Variants in DST observed in about 807,000 individuals in gnomAD.
DST encodes bullous pemphigoid antigen.
In DST, 253 loss-of-function variants were observed where a neutral mutation model predicts 875.2. The observed-to-expected ratio is 0.29, with a 90% CI of 0.26 to 0.32. The LOEUF (loss-of-function observed/expected upper bound fraction) is 0.32. Ranked by LOEUF, DST falls within the 10% of genes least tolerant of loss-of-function variation. The pLI is 1.00. For synonymous variants in DST, 3,124 were observed against 3,197.1 expected (o/e 0.98, Z 0.77); for missense variants, 8,287 against 9,111.6 (o/e 0.91, Z 3.68).
intron 72 of DST, among the ~76,000 whole-genome samples, chr6:56,514,510 T>C (rs1204300185): frequency 7.9e-5 from 12 of 151,850 alleles, no homozygotes; most frequent in Admixed American, 7.9e-4. Context: ...TAATAAACCC[T>C]GAATTGAACT....
At chr6:56,845,742 A>G (rs2099806586) in intron 4 of DST, among the ~76,000 whole-genome samples, 1 of 152,216 alleles carries the variant, frequency 6.6e-6, no homozygotes, top group Non-Finnish European at 1.5e-5. Context: ...GGCACGTCTG[A>G]GCCTTCATCA....
Position 56,608,006 on chromosome 6 carries a change from T to A in DST, c.6622A>T (p.Asn2208Tyr), listed in dbSNP as rs1275506902. The change falls in exon 40 of 104, where the codon AAT (asparagine) becomes TAT (tyrosine). Residue 2208 changes from asparagine to tyrosine, a missense_variant. This residue lies in a region of DST where 3,138 missense variants were observed against 3,116.6 expected (regional missense o/e 1.01). Transcript: ENST00000680361. ...CCTGTGTTTGCATCCATATAGCTAT[T>A]TATCATTAAATAAGATAGAAATAAT... Reference protein sequence around the residue: ...KKLFLSYLMINSYMDANTGQR... With the variant: ...KKLFLSYLMIYSYMDANTGQR... The A allele has an allele frequency of 1.9e-6, 3 of 1,613,228 alleles. No homozygotes were observed. The South Asian group carries it at 3.3e-5, about 18-fold the overall frequency.
intron 82 of DST, 57 bp downstream of exon 82, chr6:56,497,322 T>A: frequency 3.2e-6 from 5 of 1,584,496 alleles, no homozygotes; most frequent in Non-Finnish European, 4.3e-6. Flanking sequence ...CCAGGGCCCA[T>A]ATAACATGGT....
Position 56,593,984 on chromosome 6 carries a change from T to C in DST, c.12405A>G (p.Glu4135=), listed in dbSNP as rs1276114944. 1 of 1,613,964 alleles carries C rather than the reference T, an allele frequency of 6.2e-7. No homozygotes were observed. The highest frequency in any genetic ancestry group is 1.1e-5 in the South Asian group (1 of 91,070). ...TATAGTCAGCATCAAACTTTTCTAA[T>C]TCTTCCTGCAGAGAGTGAGTTAACT... The part of the protein sequence containing the change: ...KMKLTHSLQE[E]LEKFDADYTE... Residue 4135 remains glutamate, a synonymous_variant, in exon 48 of 104, where the codon GAA becomes GAG. Coordinates refer to ENST00000680361, the MANE Select transcript of DST (RefSeq NM_001374736.1).
At chr6:56,616,396 C>T (rs185386366) in intron 36 of DST, 1 of 1,613,870 alleles carries the variant, frequency 6.2e-7, no homozygotes, top group Non-Finnish European at 8.5e-7. Flanking sequence ...TCAGGTTTCT[C>T]TGGAAAGCCT....
At position 56,514,605 on chromosome 6, in the gene DST, ACACACACC is replaced by A. The variant is rs1262983354; in HGVS notation, c.18576+837_18576+844del. ...CACACACACACACACACACACACAC[ACACACACC>A]CCCTCATGCGCATACACACACACAT... On this transcript the variant is annotated intron_variant, in intron 72 of 103. Transcript: ENST00000680361. Among the ~76,000 whole-genome samples the A allele has an allele frequency of 6.9e-3, 959 of 139,680 alleles. 47 individuals are homozygous for A. In the East Asian group the frequency reaches 0.14, roughly 21 times the overall value. The allele number at this position is 139,680 out of a possible 152,430, so 91.6% of individuals were successfully genotyped here. A position where few individuals can be genotyped will look rare whatever the true frequency, so the allele number is the denominator to read the frequency against.
chr6:56,638,894 A>G (rs1587479505), intron 22 of DST: 2 of 316,788 alleles, frequency 6.3e-6, no homozygotes, highest in East Asian at 1.6e-4. Context: ...TCTATGGATT[A>G]GAGGTAATCT....
In DST at chr6:56,886,672, G is replaced by A. The variant is rs530084350; in HGVS notation, c.417+13749C>T. On this transcript the variant is annotated intron_variant, in intron 3 of 103. Coordinates refer to ENST00000680361, the MANE Select transcript of DST (RefSeq NM_001374736.1). ...TGCCTGTAATCCCAGCTGCTCGGGA[G>A]GCTGAGGCAGGAGAATTGCTTGAAC... Among the ~76,000 whole-genome samples the A allele has an allele frequency of 5.9e-4, 89 of 152,062 alleles. No individual in the cohort carries two copies. In the Middle Eastern group the frequency reaches 0.014, roughly 23 times the overall value.
At chr6:56,906,070 T>A (rs1359950833) in intron 2 of DST, among the ~76,000 whole-genome samples, 1 of 152,230 alleles carries the variant, frequency 6.6e-6, no homozygotes, top group Non-Finnish European at 1.5e-5. Flanking sequence ...AAGATCCTGA[T>A]TCCAACCCCT....
chr6:56,822,527 G>A (rs551256858), intron 4 of DST, among the ~76,000 whole-genome samples: 1 of 152,324 alleles, frequency 6.6e-6, no homozygotes, highest in South Asian at 2.1e-4. Context: ...ATGTATATGT[G>A]TGTAAAGAAA....
At chr6:56,581,049 A>G (rs1334909814) in intron 49 of DST, among the ~76,000 whole-genome samples, 1 of 91,412 alleles carries the variant, frequency 1.1e-5, no homozygotes, top group Non-Finnish European at 2.0e-5. Flanking sequence ...AGTGGCATTT[A>G]TTAAAAAAAA....
At chr6:56,876,890 T>C (rs1779858726) in intron 3 of DST, among the ~76,000 whole-genome samples, 2 of 152,196 alleles carry the variant, frequency 1.3e-5, no homozygotes, top group African/African-American at 4.8e-5. Context: ...ATGAAAGACC[T>C]TTCTGAATCC....
chr6:56,831,809 G>A (rs1240179237), intron 4 of DST, among the ~76,000 whole-genome samples: 4 of 151,800 alleles, frequency 2.6e-5, no homozygotes, highest in African/African-American at 9.7e-5. Context: ...TACAAAATAC[G>A]ATGGGTATGA....
At chr6:56,760,024 C>CA (rs1177395117) in intron 4 of DST, among the ~76,000 whole-genome samples, 1 of 152,116 alleles carries the variant, frequency 6.6e-6, no homozygotes, top group East Asian at 1.9e-4. Flanking sequence ...TATACCCACT[C>CA]AAAAAATAAA....
rs747577298 is a variant in DST, at chr6:56,670,740, G to A, written c.1115C>T (p.Thr372Met). The stretch of plus-strand genomic sequence containing the variant: ...AGCATAACCCTCTGTTGCCTGCTGC[G>A]TCCAGAGTAGCAATCTCTCTTTTGC... ...MSAKERLLLW[T>M]QQATEGYAGI... Residue 372 changes from threonine (T) to methionine (M), a missense_variant, in exon 10 of 104, where the codon ACG becomes ATG. By Grantham distance (81) the Thr-to-Met change is moderately conservative. Around this residue, in one of 10 missense-constraint regions of DST, gnomAD observed 1,160 missense variants for 1,424.3 expected, o/e 0.81. Coordinates refer to ENST00000680361, the MANE Select transcript of DST (RefSeq NM_001374736.1). 9.3e-6 allele frequency: 15 copies of A among 1,609,728 alleles called. No homozygotes were observed. Among genetic ancestry groups the A allele is most frequent in the Middle Eastern group, 3.3e-4 (2 of 6,054 alleles).
At chr6:56,618,958 T>C in intron 36 of DST, 1 of 1,614,216 alleles carries the variant, frequency 6.2e-7, no homozygotes, top group Non-Finnish European at 8.5e-7. Context: ...GCTTCTCTTC[T>C]TTGGAAGCAT....
At chr6:56,642,662 A>C in intron 15 of DST, 159 bp from the exon 16 acceptor site, 1 of 1,614,172 alleles carries the variant, frequency 6.2e-7, no homozygotes, top group Non-Finnish European at 8.5e-7. Flanking sequence ...CTAATGCAAG[A>C]GTTGATCAGT....
rs908603014 is a variant in DST, at chr6:56,584,404, G to A, written c.12904-5467C>T. On this transcript the variant is annotated intron_variant, in intron 49 of 103. Coordinates refer to ENST00000680361, the MANE Select transcript of DST (RefSeq NM_001374736.1). ...ATTTGGCTCTCTGTTTGTCTGTTAT[G>A]GGTGTATAGGAATGCTTGTGATTTT... Among the ~76,000 whole-genome samples the A allele has an allele frequency of 3.3e-5, 5 of 151,930 alleles. No individual in the cohort carries two copies. The South Asian group carries it at 1.0e-3, about 32-fold the overall frequency.
chr6:56,900,026 AG>A (rs113834124), intron 3 of DST, among the ~76,000 whole-genome samples: 6,405 of 152,262 alleles, frequency 0.042, 446 homozygotes, highest in African/African-American at 0.15. Context: ...CCAAGACTCC[AG>A]CCCCACCTTC....
Sources: allele counts gnomAD v4.1 joint callset (sites outside exome capture counted in the v4.1 genomes callset), GRCh38; gene constraint gnomAD v4.1.1; regional missense constraint gnomAD v4.1.1; transcripts MANE v1.5; gene names NCBI Gene and HGNC (gene_info 2026-07-23, HGNC 2026-07-21).